AAK1: variants seen among roughly 807,000 people sequenced by gnomAD.
AAK1 encodes AP2-associated protein kinase 1.
A neutral mutation model predicts 116.0 loss-of-function variants in AAK1; 37 were observed. The observed-to-expected ratio is 0.32, with a 90% confidence interval of 0.25 to 0.42. The LOEUF (loss-of-function observed/expected upper bound fraction) is 0.42, where lower values mean the gene tolerates loss of function less well. Ranked by LOEUF, AAK1 falls within the 10% of genes least tolerant of loss-of-function variation. AAK1 has a pLI of 1.00. For synonymous variants in AAK1, 458 were observed against 439.9 expected (o/e 1.04, Z -0.51); for missense variants, 919 against 1,170.6 (o/e 0.79, Z 3.14).
chr2:69,601,079 T>C (rs1673556610), intron 2 of AAK1, among the ~76,000 whole-genome samples: 1 of 152,228 alleles, frequency 6.6e-6, no homozygotes, highest in East Asian at 1.9e-4. Context: ...TAGACTATAG[T>C]ATAGTGTAAA....
chr2:69,587,378 TATATAC>T (rs1415383038), intron 2 of AAK1, among the ~76,000 whole-genome samples: 1 of 99,430 alleles, frequency 1.0e-5, no homozygotes, highest in Non-Finnish European at 1.8e-5. Flanking sequence ...TACACACACA[TATATAC>T]ACACACGTGT....
rs1236509500 is a variant in AAK1, at chr2:69,475,248, T to C, written c.*621A>G. On this transcript the variant is annotated 3_prime_UTR_variant, in exon 22 of 22. Transcript: ENST00000409085. The stretch of plus-strand genomic sequence containing the variant: ...TAAAATCCCTTGGCTAAGTCTATGA[T>C]CAAACAAGGTCAAAGTTGGTTGGCT... The C allele has an allele frequency of 3.0e-6, 3 of 985,808 alleles. No individual in the cohort carries two copies. Among genetic ancestry groups the C allele is most frequent in the Non-Finnish European group, 2.4e-6 (2 of 830,018 alleles). 61.1% of individuals were successfully genotyped at this position (985,808 alleles called of 1,614,324 possible).
At chr2:69,552,084 C>T (rs1361886706) in intron 3 of AAK1, among the ~76,000 whole-genome samples, 8 of 151,978 alleles carry the variant, frequency 5.3e-5, no homozygotes, top group African/African-American at 1.9e-4. Flanking sequence ...TTCTATCTGA[C>T]AGAAGTCTGA....
Position 69,509,467 on chromosome 2 carries a change from G to A in AAK1, c.1777-7C>T. The A allele has an allele frequency of 6.2e-7, 1 of 1,609,156 alleles. No homozygotes were observed. ...GTCTTACTGGGGCTTGAATCTGCTA[G>A]GAAGAGAGACGGAAAGTGTTTCATT... On this transcript the variant is annotated splice_polypyrimidine_tract_variant and splice_region_variant and intron_variant, in intron 13 of 21. Coordinates refer to ENST00000409085, the MANE Select transcript of AAK1 (RefSeq NM_014911.5).
In AAK1 at chr2:69,476,277, A is replaced by G. The variant is rs371113245; in HGVS notation, c.2792-314T>C. Reference sequence around the variant, plus strand: ...TTTTTTTGGTTGAGAATTGCTGGCTATATACCAACTTCCTGATAATATCAA... The same window carrying G: ...TTTTTTTGGTTGAGAATTGCTGGCTGTATACCAACTTCCTGATAATATCAA... On this transcript the variant is annotated intron_variant, in intron 21 of 21. Transcript: ENST00000409085. Among the ~76,000 whole-genome samples the G allele has an allele frequency of 4.6e-5, 7 of 152,174 alleles. No individual in the cohort carries two copies. The East Asian group carries it at 1.3e-3, about 29-fold the overall frequency.
At chr2:69,482,425 A>C (rs1181672954) in intron 18 of AAK1, 1 of 599,216 alleles carries the variant, frequency 1.7e-6, no homozygotes, top group African/African-American at 1.9e-5. Context: ...TTAGAAACCA[A>C]TTTTTTAAAG....
At chr2:69,477,641 T>A (rs1419769966) in intron 20 of AAK1, among the ~76,000 whole-genome samples, 1 of 152,218 alleles carries the variant, frequency 6.6e-6, no homozygotes, top group African/African-American at 2.4e-5. Flanking sequence ...TGAGCACTTA[T>A]TTTGCAAATG....
intron 3 of AAK1, among the ~76,000 whole-genome samples, chr2:69,553,294 A>G (rs1217521390): frequency 6.6e-6 from 1 of 152,188 alleles, no homozygotes; most frequent in African/African-American, 2.4e-5. Context: ...ATGACTTAGG[A>G]TTTCCCAAGA....
intron 5 of AAK1, among the ~76,000 whole-genome samples, chr2:69,538,410 C>G (rs1670567605): frequency 6.6e-6 from 1 of 152,262 alleles, no homozygotes; most frequent in Non-Finnish European, 1.5e-5. Context: ...AGGCAAGACA[C>G]TGAGCTCTGT....
At chr2:69,512,823 G>A (rs1425794912) in intron 13 of AAK1, among the ~76,000 whole-genome samples, 3 of 152,344 alleles carry the variant, frequency 2.0e-5, no homozygotes, top group African/African-American at 4.8e-5. Flanking sequence ...TGTAGGAGAA[G>A]CATAGGGGAA....
chr2:69,574,073 A>G (rs76622290), intron 2 of AAK1, among the ~76,000 whole-genome samples: 3,144 of 152,042 alleles, frequency 0.021, 89 homozygotes, highest in African/African-American at 0.069. Context: ...TAAATGCCCA[A>G]TGAAAAGAGA....
intron 2 of AAK1, chr2:69,594,999 G>A: frequency 1.3e-6 from 1 of 775,130 alleles, no homozygotes; most frequent in Non-Finnish European, 2.3e-6. Flanking sequence ...GTCACTTTGT[G>A]GGGTTGGTGC....
chr2:69,538,074 T>C (rs1670552526), intron 5 of AAK1, among the ~76,000 whole-genome samples: 1 of 152,212 alleles, frequency 6.6e-6, no homozygotes, highest in African/African-American at 2.4e-5. Context: ...CAACCAACCA[T>C]GCATCAAAAC....
At chr2:69,509,507 A>G in intron 13 of AAK1, 47 bp from the exon 14 acceptor site, 1 of 1,477,950 alleles carries the variant, frequency 6.8e-7, no homozygotes. Context: ...TAAAAAAAAA[A>G]GTTAAAGGAA....
chr2:69,639,611 C>A (rs925590425), intron 2 of AAK1, among the ~76,000 whole-genome samples: 7 of 152,282 alleles, frequency 4.6e-5, no homozygotes, highest in Middle Eastern at 6.8e-3. Flanking sequence ...CCAGCACCTG[C>A]TCCTTGGGGT....
chr2:69,569,350 T>A (rs951235398), intron 2 of AAK1, among the ~76,000 whole-genome samples: 5 of 152,234 alleles, frequency 3.3e-5, no homozygotes, highest in African/African-American at 1.2e-4. Flanking sequence ...CAGCTGTTTA[T>A]CATCCATCTA....
chr2:69,591,631 C>T (rs1184882575), intron 2 of AAK1, among the ~76,000 whole-genome samples: 6 of 149,216 alleles, frequency 4.0e-5, no homozygotes, highest in African/African-American at 9.9e-5. Flanking sequence ...AGTGCAGTGG[C>T]GCAATCTCGG....
At chr2:69,553,417 T>C (rs922392193) in intron 3 of AAK1, among the ~76,000 whole-genome samples, 1 of 148,448 alleles carries the variant, frequency 6.7e-6, no homozygotes, top group East Asian at 2.0e-4. Flanking sequence ...AAAATAAAGA[T>C]ACTTCTAGAA....
chr2:69,540,032 T>C lies in AAK1; in HGVS notation c.534+2491A>G, dbSNP rs770397367. 1.6e-4 allele frequency among the ~76,000 whole-genome samples: 24 copies of C among 152,302 alleles called. 1 individual carries two copies. The highest frequency in any genetic ancestry group is 3.3e-4 in the Admixed American group (5 of 15,284). On this transcript the variant is annotated intron_variant, in intron 5 of 21. Transcript: ENST00000409085. ...TATCTTGAGGGTAGGAACAATGTTA[T>C]ATTTGTCCCATCCCCACAGAATTAT...
Sources: gnomAD v4.1 joint callset for allele counts (sites outside exome capture counted in the v4.1 genomes callset) on GRCh38, gnomAD v4.1.1 for gene constraint, MANE v1.5 for transcripts, NCBI Gene and HGNC (gene_info 2026-07-23, HGNC 2026-07-21) for gene names.